The following CHST8 variants were observed in gnomAD, a reference collection of about 807,000 sequenced individuals.
CHST8 encodes carbohydrate sulfotransferase 8, also known as GALNAC-4-ST1.
Under a neutral mutation model 15.0 loss-of-function variants are expected in CHST8, and 10 were observed. The observed-to-expected ratio is 0.67, with a 90% CI of 0.41 to 1.13. The LOEUF (loss-of-function observed/expected upper bound fraction) is 1.13. Among genes scored for constraint, CHST8 ranks in the 50% most tolerant of loss-of-function variants. The pLI is 0.00. For missense variants in CHST8, 634 were observed against 608.2 expected, an observed-to-expected ratio of 1.04 and a Z score of -0.45; for synonymous variants, 259 against 256.6, an observed-to-expected ratio of 1.01 and a Z score of -0.09.
chr19:33,764,513 C>A (rs1974793434), intron 3 of CHST8, among the ~76,000 whole-genome samples: 1 of 151,986 alleles, frequency 6.6e-6, no homozygotes, highest in Non-Finnish European at 1.5e-5. Flanking sequence ...AAACAACAAA[C>A]AAAAAAACAC....
rs373033210 is a variant in CHST8, at chr19:33,749,925, C to T, written c.131-21488C>T. On this transcript the variant is annotated intron_variant, in intron 3 of 4. Transcript: ENST00000650847. The stretch of plus-strand genomic sequence containing the variant: ...ATCGTGCAGCAGCCATTGGCAGGTG[C>T]GTTGTGCCTTGCTTCCTGCCTTTCT... Among the ~76,000 whole-genome samples, 13 of 152,304 alleles carry T rather than the reference C, an allele frequency of 8.5e-5. No individual in the cohort carries two copies. The South Asian group carries it at 1.9e-3, about 22-fold the overall frequency.
chr19:33,676,185 A>G (rs942838811), intron 2 of CHST8, among the ~76,000 whole-genome samples: 1 of 152,220 alleles, frequency 6.6e-6, no homozygotes, highest in Non-Finnish European at 1.5e-5. Flanking sequence ...CCAATTTCAG[A>G]ATCAGGAAAT....
intron 3 of CHST8, among the ~76,000 whole-genome samples, chr19:33,694,904 TTCCCTTCCCTTCCC>T (rs1973181114): frequency 6.6e-6 from 1 of 150,712 alleles, no homozygotes; most frequent in East Asian, 2.0e-4. Context: ...TGCATATAAT[TTCCCTTCCCTTCCC>T]TCCCTTCCCC....
chr19:33,625,357 A>G (rs1003375373), intron 1 of CHST8, among the ~76,000 whole-genome samples: 1 of 151,198 alleles, frequency 6.6e-6, no homozygotes, highest in Non-Finnish European at 1.5e-5. Flanking sequence ...TTGGGATTAC[A>G]GGCGTGAGCT....
At chr19:33,746,441 A>G (rs554434897) in intron 3 of CHST8, among the ~76,000 whole-genome samples, 1 of 152,290 alleles carries the variant, frequency 6.6e-6, no homozygotes, top group East Asian at 1.9e-4. Context: ...GTGAGATCCT[A>G]CAGTGTGTGT....
At chr19:33,672,474 C>T (rs1471380577) in intron 2 of CHST8, among the ~76,000 whole-genome samples, 1 of 152,178 alleles carries the variant, frequency 6.6e-6, no homozygotes, top group African/African-American at 2.4e-5. Flanking sequence ...GCTGGGATTA[C>T]AGGTGTGAGC....
intron 3 of CHST8, among the ~76,000 whole-genome samples, chr19:33,755,675 G>A (rs948747103): frequency 4.6e-5 from 7 of 152,248 alleles, no homozygotes; most frequent in Non-Finnish European, 8.8e-5. Flanking sequence ...CCAGACTGGA[G>A]CCTTAATTCC....
chr19:33,687,079 G>A (rs1444194098), intron 2 of CHST8, among the ~76,000 whole-genome samples: 1 of 152,222 alleles, frequency 6.6e-6, no homozygotes, highest in Non-Finnish European at 1.5e-5. Context: ...GAGTGAGGCT[G>A]GAGAGAACAG....
intron 3 of CHST8, among the ~76,000 whole-genome samples, chr19:33,757,563 A>G (rs1974621903): frequency 7.2e-6 from 1 of 138,268 alleles, no homozygotes; most frequent in Non-Finnish European, 1.6e-5. Context: ...AAAGAAAGAA[A>G]GAAAGAAAGA....
At chr19:33,626,607 T>C (rs1478646141) in intron 1 of CHST8, among the ~76,000 whole-genome samples, 19 of 152,104 alleles carry the variant, frequency 1.2e-4, no homozygotes. Flanking sequence ...CAAGAGCTGG[T>C]TGTTAAAAAG....
chr19:33,649,143 A>T (rs369201706), intron 1 of CHST8, among the ~76,000 whole-genome samples: 4 of 152,062 alleles, frequency 2.6e-5, no homozygotes, highest in African/African-American at 9.6e-5. Flanking sequence ...AGCTCAATTG[A>T]TCTGCCCACC....
At chr19:33,737,465 A>G (rs1568348807) in intron 3 of CHST8, among the ~76,000 whole-genome samples, 3 of 152,128 alleles carry the variant, frequency 2.0e-5, no homozygotes, top group Admixed American at 6.5e-5. Flanking sequence ...CTAAGCGTTC[A>G]CTGTGGCCAT....
At chr19:33,679,672 G>GGA (rs932125641) in intron 2 of CHST8, among the ~76,000 whole-genome samples, 2 of 152,176 alleles carry the variant, frequency 1.3e-5, no homozygotes, top group African/African-American at 4.8e-5. Flanking sequence ...TGGCTGGGGT[G>GGA]GAGAGAGAGA....
At chr19:33,741,619 G>C (rs1216996843) in intron 3 of CHST8, among the ~76,000 whole-genome samples, 1 of 152,052 alleles carries the variant, frequency 6.6e-6, no homozygotes, top group Non-Finnish European at 1.5e-5. Context: ...CGTGTCTTTT[G>C]TAGGACTGGA....
Position 33,673,288 on chromosome 19 carries a change from G to A in CHST8, c.-87+5445G>A, listed in dbSNP as rs376523615. On this transcript the variant is annotated intron_variant, in intron 2 of 4. Coordinates refer to ENST00000650847, the MANE Select transcript of CHST8 (RefSeq NM_001127895.2). ...GATGGAAAACTAGTAGCTGTGATTG[G>A]GACGAGTGAATATTCATTTGGAAAT... 1.6e-4 allele frequency among the ~76,000 whole-genome samples: 24 copies of A among 152,304 alleles called. No individual in the cohort carries two copies. In the South Asian group the frequency reaches 5.0e-3, roughly 32 times the overall value.
intron 3 of CHST8, among the ~76,000 whole-genome samples, chr19:33,706,229 T>C (rs1300557416): frequency 6.6e-6 from 1 of 152,166 alleles, no homozygotes; most frequent in Non-Finnish European, 1.5e-5. Context: ...GTTGGGGAGC[T>C]GCACGGCACT....
At chr19:33,712,171 C>A (rs1973565478) in intron 3 of CHST8, among the ~76,000 whole-genome samples, 3 of 152,136 alleles carry the variant, frequency 2.0e-5, no homozygotes, top group Admixed American at 2.0e-4. Flanking sequence ...CTGCACTGAC[C>A]CCTCCCAGTA....
rs115953904 is a variant in CHST8 at position 33,673,431 on chromosome 19, G to A, written c.-87+5588G>A. Among the ~76,000 whole-genome samples the A allele has an allele frequency of 6.0e-3, 908 of 152,332 alleles. 9 individuals are homozygous for A. The highest frequency in any genetic ancestry group is 0.02 in the African/African-American group (852 of 41,572). On this transcript the variant is annotated intron_variant, in intron 2 of 4. Transcript: ENST00000650847. ...GGTGGGAGCCAGGGACCCTGGGTGGGGCAGGGGGAGTGGTGGAGGCCAGAG... is the reference window on the plus strand; with the variant it reads ...GGTGGGAGCCAGGGACCCTGGGTGGAGCAGGGGGAGTGGTGGAGGCCAGAG...
rs536883630 is a variant in CHST8 at position 33,641,309 on chromosome 19, G to A, written c.-164+19013G>A. Among the ~76,000 whole-genome samples the A allele has an allele frequency of 5.3e-5, 8 of 152,310 alleles. No homozygotes were observed. The East Asian group carries it at 1.5e-3, about 29-fold the overall frequency. On this transcript the variant is annotated intron_variant, in intron 1 of 4. Coordinates refer to ENST00000650847, the MANE Select transcript of CHST8 (RefSeq NM_001127895.2). ...TCTTCTGCCAGGATCAGAGTCCTCG[G>A]GGAACAGGATTGCTGTTTCTGGCCC...
Sources: gnomAD v4.1 joint callset for allele counts (sites outside exome capture counted in the v4.1 genomes callset) on GRCh38, gnomAD v4.1.1 for gene constraint, MANE v1.5 for transcripts, NCBI Gene and HGNC (gene_info 2026-07-23, HGNC 2026-07-21) for gene names.